The following EBF2 variants were observed in gnomAD, a reference collection of about 807,000 sequenced individuals.
EBF2 encodes the protein transcription factor COE2.
A neutral mutation model predicts 72.8 loss-of-function variants in EBF2; 21 were observed. The ratio of observed to expected loss-of-function variants is 0.29; its 90% CI spans 0.20 to 0.42. The LOEUF is 0.42. Among genes scored for constraint, EBF2 ranks in the 10% least tolerant of loss-of-function variants. The probability of loss-of-function intolerance (pLI) is 1.00; values close to 1 mark genes in which losing one functional copy is unlikely to be tolerated. For synonymous variants in EBF2, 299 were observed against 274.2 expected (o/e 1.09, Z -0.89); for missense variants, 637 against 731.2 (o/e 0.87, Z 1.49).
At chr8:25,978,990 C>A (rs115216622) in intron 6 of EBF2, among the ~76,000 whole-genome samples, 1 of 152,178 alleles carries the variant, frequency 6.6e-6, no homozygotes, top group East Asian at 1.9e-4. Flanking sequence ...AACCACGCAG[C>A]ACCCTTAATC....
intron 6 of EBF2, among the ~76,000 whole-genome samples, chr8:25,943,518 A>T (rs1179054386): frequency 6.6e-6 from 1 of 151,960 alleles, no homozygotes; most frequent in African/African-American, 2.4e-5. Flanking sequence ...TCTCAAAAAA[A>T]AATTTTTTTA....
At chr8:25,857,985 A>G (rs1802127854) in intron 14 of EBF2, 4 of 418,564 alleles carry the variant, frequency 9.6e-6, no homozygotes, top group Middle Eastern at 3.5e-4. Context: ...TAAATAAAAT[A>G]TTACATCTGA....
intron 6 of EBF2, among the ~76,000 whole-genome samples, chr8:26,012,759 C>T (rs992490572): frequency 6.6e-6 from 1 of 152,178 alleles, no homozygotes; most frequent in Non-Finnish European, 1.5e-5. Flanking sequence ...GAAGAAAATG[C>T]TGTCCCTGTC....
chr8:26,003,186 G>T (rs1317319033), intron 6 of EBF2, among the ~76,000 whole-genome samples: 2 of 152,092 alleles, frequency 1.3e-5, no homozygotes, highest in Non-Finnish European at 2.9e-5. Context: ...CATTGGACTG[G>T]GAGGGTTCCA....
At chr8:25,907,531 G>T (rs1803057121) in intron 7 of EBF2, among the ~76,000 whole-genome samples, 1 of 150,646 alleles carries the variant, frequency 6.6e-6, no homozygotes, top group South Asian at 2.1e-4. Context: ...CAGTGTGCTG[G>T]AAAGAGTTTG....
At chr8:26,002,289 A>G (rs1363117799) in intron 6 of EBF2, among the ~76,000 whole-genome samples, 1 of 152,138 alleles carries the variant, frequency 6.6e-6, no homozygotes, top group Non-Finnish European at 1.5e-5. Context: ...ATGGGAGACG[A>G]ATTTTATTTT....
intron 15 of EBF2, among the ~76,000 whole-genome samples, chr8:25,848,786 C>A (rs1040936184): frequency 6.6e-6 from 1 of 152,178 alleles, no homozygotes; most frequent in South Asian, 2.1e-4. Context: ...GGAAAGCCTG[C>A]ACCCCTCCTT....
rs555133537 is a variant in EBF2, at chr8:25,975,206, G to A, written c.551+57879C>T. On this transcript the variant is annotated intron_variant, in intron 6 of 15. Coordinates refer to ENST00000520164, the MANE Select transcript of EBF2 (RefSeq NM_022659.4). ...GAAAATCACATCCTCTGCTCAGCCC[G>A]GGTGAGCAGGGACTACAGGGGAAAA... Among the ~76,000 whole-genome samples the A allele has an allele frequency of 1.8e-4, 28 of 152,242 alleles. No homozygotes were observed. In the South Asian group the frequency reaches 4.0e-3, roughly 22 times the overall value.
chr8:26,011,034 C>G (rs989118509), intron 6 of EBF2, among the ~76,000 whole-genome samples: 6 of 143,968 alleles, frequency 4.2e-5, no homozygotes, highest in African/African-American at 7.5e-5. Context: ...GTAGTCTTAC[C>G]TACATCTTTG....
At chr8:25,886,068 C>G (rs1039947653) in intron 10 of EBF2, among the ~76,000 whole-genome samples, 1 of 152,168 alleles carries the variant, frequency 6.6e-6, no homozygotes, top group Admixed American at 6.5e-5. Flanking sequence ...TAAATATGGT[C>G]TTCAATTTCC....
rs1357790983 is a variant in EBF2, at chr8:26,044,640, A to C, written c.131+89T>G. 1 of 1,522,958 alleles carries C rather than the reference A, an allele frequency of 6.6e-7. No individual in the cohort carries two copies. Among genetic ancestry groups the C allele is most frequent in the Non-Finnish European group, 8.8e-7 (1 of 1,130,750 alleles). 94.3% of individuals were successfully genotyped at this position (1,522,958 alleles called of 1,614,324 possible). ...ACAGATGGGGGGACAGGGAGAGAGA[A>C]AGGCACGGGGTGCGCGGGGGGGGTG... On this transcript the variant is annotated intron_variant, in intron 1 of 15. Coordinates refer to ENST00000520164, the MANE Select transcript of EBF2 (RefSeq NM_022659.4). The surrounding 1 kb of genome is among the most constrained non-coding windows in gnomAD (Gnocchi z 4.1).
intron 6 of EBF2, among the ~76,000 whole-genome samples, chr8:26,022,965 A>G (rs778776072): frequency 6.6e-6 from 1 of 152,212 alleles, no homozygotes; most frequent in Non-Finnish European, 1.5e-5. Context: ...AATTCTTACA[A>G]GATTCTAATT....
rs755760970 is a variant in EBF2 at position 25,861,035 on chromosome 8, A to C, written c.1342+14T>G. 6.2e-7 allele frequency: 1 copy of C among 1,614,122 alleles called. No homozygotes were observed. Among genetic ancestry groups the C allele is most frequent in the South Asian group, 1.1e-5 (1 of 91,076 alleles). ...TTAGACATATTTGGATTTTGACTCT[A>C]AGAAAGGTGGTACCTTGATTATTTC... On this transcript the variant is annotated intron_variant, in intron 13 of 15. Coordinates refer to ENST00000520164, the MANE Select transcript of EBF2 (RefSeq NM_022659.4).
chr8:25,965,514 G>A (rs1388031300), intron 6 of EBF2, among the ~76,000 whole-genome samples: 1 of 152,162 alleles, frequency 6.6e-6, no homozygotes, highest in Non-Finnish European at 1.5e-5. Flanking sequence ...AATAATATAT[G>A]AAGTGAAAAG....
intron 3 of EBF2, 33 bp downstream of exon 3, chr8:26,040,906 G>A (rs935631710): frequency 1.9e-6 from 3 of 1,613,028 alleles, no homozygotes; most frequent in African/African-American, 2.7e-5. Context: ...CGGCTGCTAG[G>A]CGCCGGCTCA....
chr8:25,975,148 A>G (rs996027155), intron 6 of EBF2, among the ~76,000 whole-genome samples: 22 of 152,208 alleles, frequency 1.4e-4, no homozygotes, highest in African/African-American at 5.1e-4. Context: ...TCCTGGCCTC[A>G]GAAGCGCCTG....
At chr8:25,853,290 T>C (rs9657271) in intron 14 of EBF2, among the ~76,000 whole-genome samples, 25,665 of 151,030 alleles carry the variant, frequency 0.17, 2,741 homozygotes, top group African/African-American at 0.31. Context: ...ATATTTGTAA[T>C]ACTTATTTAG....
rs536718704 is a variant in EBF2, at chr8:25,880,532, C to T, written c.1009+6223G>A. ...ACCTGGCTTCCCTCACCTACTAATA[C>T]CTAAGTATTTATACCCTTAATGTGT... On this transcript the variant is annotated intron_variant, in intron 10 of 15. Transcript: ENST00000520164. 8.5e-5 allele frequency among the ~76,000 whole-genome samples: 13 copies of T among 152,264 alleles called. No homozygotes were observed. The South Asian group carries it at 2.5e-3, about 29-fold the overall frequency.
At chr8:26,013,255 AG>A (rs927654070) in intron 6 of EBF2, among the ~76,000 whole-genome samples, 3 of 152,172 alleles carry the variant, frequency 2.0e-5, no homozygotes, top group African/African-American at 7.2e-5. Context: ...CATCACAGCC[AG>A]GGGCAAAACA....
Sources: gnomAD v4.1 joint callset for allele counts (sites outside exome capture counted in the v4.1 genomes callset) on GRCh38, gnomAD v4.1.1 for gene constraint, Gnocchi (gnomAD v3.1) non-coding constraint, MANE v1.5 for transcripts, NCBI Gene and HGNC (gene_info 2026-07-23, HGNC 2026-07-21) for gene names.